The following PPP1R12B variants were observed in gnomAD, a reference collection of about 807,000 sequenced individuals.
PPP1R12B encodes the protein myosin phosphatase target subunit 2.
In PPP1R12B, 76 loss-of-function variants were observed where a neutral mutation model predicts 126.1. The observed-to-expected ratio is 0.60, with a 90% CI of 0.50 to 0.73. The LOEUF is 0.73. Among genes scored for constraint, PPP1R12B ranks in the 30% least tolerant of loss-of-function variants. The pLI, the probability that PPP1R12B is intolerant of heterozygous loss-of-function variation, is 0.00. For synonymous variants in PPP1R12B, 356 were observed against 434.7 expected (o/e 0.82, Z 2.25); for missense variants, 1,052 against 1,205.1 (o/e 0.87, Z 1.88).
At chr1:202,448,949 C>T (rs1672596172) in intron 12 of PPP1R12B, 40 bp from the exon 13 acceptor site, 2 of 1,594,272 alleles carry the variant, frequency 1.3e-6, no homozygotes, top group Non-Finnish European at 8.6e-7. Context: ...TATAGCATGC[C>T]TAACCATTTC....
intron 13 of PPP1R12B, among the ~76,000 whole-genome samples, chr1:202,460,896 A>G (rs1674226873): frequency 6.6e-6 from 1 of 152,222 alleles, no homozygotes; most frequent in Non-Finnish European, 1.5e-5. Context: ...AATATGCCTT[A>G]CAAACAAACT....
In PPP1R12B at chr1:202,519,260, A is replaced by T. The variant is rs538740848; in HGVS notation, c.2490+22438A>T. ...CTTGCCACTTCAACCCAATTAAAAA[A>T]TTTTTTTTTTTCTTTTTCTTTTGAG... On this transcript the variant is annotated intron_variant, in intron 18 of 23. Transcript: ENST00000608999. Among the ~76,000 whole-genome samples the T allele has an allele frequency of 1.4e-4, 21 of 150,758 alleles. 1 individual carries two copies. In the East Asian group the frequency reaches 3.5e-3, roughly 25 times the overall value.
chr1:202,561,603 GACCCTTTC>G (rs1687542198), intron 19 of PPP1R12B, among the ~76,000 whole-genome samples: 1 of 152,122 alleles, frequency 6.6e-6, no homozygotes, highest in Admixed American at 6.5e-5. Flanking sequence ...ATTATGGGGT[GACCCTTTC>G]ACTTTCTACT....
chr1:202,465,665 A>G (rs1015583883), intron 13 of PPP1R12B, among the ~76,000 whole-genome samples: 6 of 152,316 alleles, frequency 3.9e-5, no homozygotes, highest in Non-Finnish European at 8.8e-5. Context: ...GCTGACAGCA[A>G]TTACCTGAAG....
At chr1:202,366,568 T>A (rs545168535) in intron 1 of PPP1R12B, among the ~76,000 whole-genome samples, 1 of 146,244 alleles carries the variant, frequency 6.8e-6, no homozygotes, top group Admixed American at 6.8e-5. Context: ...AATACAGTAA[T>A]GATAACAAAA....
At chr1:202,399,492 C>T (rs1290859694) in intron 1 of PPP1R12B, among the ~76,000 whole-genome samples, 1 of 151,822 alleles carries the variant, frequency 6.6e-6, no homozygotes, top group Non-Finnish European at 1.5e-5. Context: ...CAGGTGTGAG[C>T]CACCGCACCT....
chr1:202,486,485 T>TA (rs1678142648), intron 13 of PPP1R12B, among the ~76,000 whole-genome samples: 1 of 152,160 alleles, frequency 6.6e-6, no homozygotes, highest in Non-Finnish European at 1.5e-5. Flanking sequence ...CCTAACTCTA[T>TA]TAAAGAAATG....
At chr1:202,485,582 C>T (rs1188250115) in intron 13 of PPP1R12B, among the ~76,000 whole-genome samples, 2 of 152,072 alleles carry the variant, frequency 1.3e-5, no homozygotes, top group East Asian at 3.9e-4. Context: ...CTCCAGCTTA[C>T]GTTTTTCCCT....
Position 202,550,776 on chromosome 1 carries a change from G to A in PPP1R12B, c.2491-8101G>A, listed in dbSNP as rs1025477569. On this transcript the variant is annotated intron_variant, in intron 18 of 23. Coordinates refer to ENST00000608999, the MANE Select transcript of PPP1R12B (RefSeq NM_002481.4). ...ATAGTACACAGCATGTGAAAGGCTC[G>A]ATGGAAAATATGCCGGAGGCTGCAA... Among the ~76,000 whole-genome samples the A allele has an allele frequency of 4.6e-5, 7 of 152,322 alleles. No homozygotes were observed. In the East Asian group the frequency reaches 5.8e-4, roughly 13 times the overall value.
chr1:202,404,115 T>C (rs1473186756), intron 1 of PPP1R12B, among the ~76,000 whole-genome samples: 2 of 152,184 alleles, frequency 1.3e-5, no homozygotes, highest in Non-Finnish European at 2.9e-5. Context: ...TATCACTCTC[T>C]GGTTTAAAAA....
chr1:202,469,276 T>C (rs2148784251), intron 13 of PPP1R12B, among the ~76,000 whole-genome samples: 1 of 152,290 alleles, frequency 6.6e-6, no homozygotes, highest in South Asian at 2.1e-4. Flanking sequence ...CAGTTTAGTA[T>C]AGTGGCCAAC....
chr1:202,577,025 T>C (rs1055545053), intron 23 of PPP1R12B: 6 of 152,334 alleles, frequency 3.9e-5, no homozygotes, highest in South Asian at 4.1e-4. Flanking sequence ...GAAGGATCTA[T>C]TGAGCAACTA....
intron 13 of PPP1R12B, among the ~76,000 whole-genome samples, chr1:202,464,520 C>T (rs1674735227): frequency 6.6e-6 from 1 of 151,992 alleles, no homozygotes; most frequent in Non-Finnish European, 1.5e-5. Flanking sequence ...ACATGAAGGC[C>T]CTTTGTGCAC....
At position 202,439,082 on chromosome 1, in the gene PPP1R12B, A is replaced by G. The variant is rs1337157367; in HGVS notation, c.1458+1058A>G. ...CTCCTATGACCTTGCCATCAAGACC[A>G]TCACCTCCAGCGCCAAAGTGGACAT... is the stretch of plus-strand genomic sequence containing the variant. On this transcript the variant is annotated intron_variant, in intron 10 of 23. Transcript: ENST00000608999. 135 of 1,450,322 alleles carry G rather than the reference A, an allele frequency of 9.3e-5. No homozygotes were observed. In the African/African-American group the frequency reaches 1.5e-3, roughly 16 times the overall value. 89.8% of individuals were successfully genotyped at this position (1,450,322 alleles called of 1,614,324 possible). A position where few individuals can be genotyped will look rare whatever the true frequency, so the allele number is the denominator to read the frequency against.
intron 13 of PPP1R12B, chr1:202,471,795 G>GTTTT: frequency 7.9e-6 from 8 of 1,009,956 alleles, no homozygotes; most frequent in South Asian, 1.7e-5. Flanking sequence ...ATGGGTAAAA[G>GTTTT]TTTTTTTTTT....
chr1:202,520,904 A>C (rs920228576), intron 18 of PPP1R12B, among the ~76,000 whole-genome samples: 1 of 152,128 alleles, frequency 6.6e-6, no homozygotes, highest in South Asian at 2.1e-4. Context: ...ATGGCAGGGG[A>C]TCGGGGGGTG....
chr1:202,487,943 T>G (rs1678374523), intron 13 of PPP1R12B, among the ~76,000 whole-genome samples: 1 of 152,194 alleles, frequency 6.6e-6, no homozygotes, highest in South Asian at 2.1e-4. Flanking sequence ...AACCTACAGA[T>G]AGTACAGAAC....
At chr1:202,523,663 T>C (rs1268365075) in intron 18 of PPP1R12B, among the ~76,000 whole-genome samples, 1 of 152,202 alleles carries the variant, frequency 6.6e-6, no homozygotes, top group Non-Finnish European at 1.5e-5. Context: ...TGCAGGATTT[T>C]GAGTAGAGGA....
At chr1:202,430,641 G>A in intron 6 of PPP1R12B, 90 bp from the exon 7 acceptor site, 1 of 1,409,688 alleles carries the variant, frequency 7.1e-7, no homozygotes, top group Non-Finnish European at 9.8e-7. Flanking sequence ...ATTTTCTTCA[G>A]AATGACAGTA....
Sources: gnomAD v4.1 joint callset for allele counts (sites outside exome capture counted in the v4.1 genomes callset) on GRCh38, gnomAD v4.1.1 for gene constraint, MANE v1.5 for transcripts, NCBI Gene and HGNC (gene_info 2026-07-23, HGNC 2026-07-21) for gene names.